The following JARID2 variants were observed in gnomAD, a reference collection of about 807,000 sequenced individuals.
JARID2 encodes protein Jumonji.
In JARID2, 21 loss-of-function variants were observed where a neutral mutation model predicts 125.6. The observed-to-expected ratio is 0.17, with a 90% CI of 0.12 to 0.24. The LOEUF is 0.24. Ranked by LOEUF, JARID2 falls within the 10% of genes least tolerant of loss-of-function variation. The pLI is 1.00. For missense variants in JARID2, 1,303 were observed against 1,639.6 expected, an observed-to-expected ratio of 0.79 and a Z score of 3.55; for synonymous variants, 736 against 661.6, an observed-to-expected ratio of 1.11 and a Z score of -1.73.
At chr6:15,439,837 C>G (rs1421903404) in intron 3 of JARID2, among the ~76,000 whole-genome samples, 1 of 152,206 alleles carries the variant, frequency 6.6e-6, no homozygotes, top group East Asian at 1.9e-4. Context: ...AGTCTCACCC[C>G]TGGGAGTTTC....
intron 5 of JARID2, among the ~76,000 whole-genome samples, chr6:15,470,824 C>T (rs899002862): frequency 2.0e-5 from 3 of 152,132 alleles, no homozygotes; most frequent in Non-Finnish European, 2.9e-5. Flanking sequence ...CAGAGCGATG[C>T]GGAATAATGC....
Position 15,517,263 on chromosome 6 carries a change from G to A in JARID2, c.3553G>A (p.Asp1185Asn), listed in dbSNP as rs775113990. Residue 1185 changes from aspartate (D) to asparagine (N), a missense_variant, in exon 17 of 18, where the codon GAT (aspartate) becomes AAT (asparagine). Asp to Asn is a conservative substitution (Grantham distance 23). Around this residue, in one of 11 missense-constraint regions of JARID2, gnomAD observed 190 missense variants for 341.4 expected, o/e 0.56. Transcript: ENST00000341776. ...CRGLKLMYRYDEEQIISLVNQ... is the reference protein window; with the variant it reads ...CRGLKLMYRYNEEQIISLVNQ... ...AGGGCTGAAGTTGATGTACCGCTAC[G>A]ATGAGGTCAGTCCCTGCCCGCGGGG... The A allele has an allele frequency of 5.6e-6, 9 of 1,611,440 alleles. No individual in the cohort carries two copies. The highest frequency in any genetic ancestry group is 1.7e-5 in the Admixed American group (1 of 60,006).
chr6:15,436,376 T>C (rs1389853270), intron 3 of JARID2, among the ~76,000 whole-genome samples: 1 of 152,236 alleles, frequency 6.6e-6, no homozygotes, highest in African/African-American at 2.4e-5. Flanking sequence ...CCAGTGCTCT[T>C]CTGCGGCCGT....
At chr6:15,488,859 C>G (rs1770009806) in intron 6 of JARID2, among the ~76,000 whole-genome samples, 1 of 152,168 alleles carries the variant, frequency 6.6e-6, no homozygotes, top group Admixed American at 6.5e-5. Flanking sequence ...CCTCAGTTTT[C>G]CCAGAGACAA....
chr6:15,337,469 C>T (rs1209191877), intron 1 of JARID2, among the ~76,000 whole-genome samples: 3 of 152,136 alleles, frequency 2.0e-5, no homozygotes, highest in Non-Finnish European at 4.4e-5. Context: ...AAGGTCTGAG[C>T]CCAACAGCCA....
At chr6:15,282,132 C>G (rs1466758949) in intron 1 of JARID2, among the ~76,000 whole-genome samples, 1 of 152,066 alleles carries the variant, frequency 6.6e-6, no homozygotes, top group Non-Finnish European at 1.5e-5. Context: ...AAGTAGAGAC[C>G]AGGTTTCACC....
chr6:15,444,407 G>A (rs988206891), intron 3 of JARID2, among the ~76,000 whole-genome samples: 1 of 152,162 alleles, frequency 6.6e-6, no homozygotes, highest in Non-Finnish European at 1.5e-5. Context: ...ACCATTCTGT[G>A]TGGTTTGCTC....
At chr6:15,433,028 A>G (rs1206470871) in intron 3 of JARID2, among the ~76,000 whole-genome samples, 1 of 152,166 alleles carries the variant, frequency 6.6e-6, no homozygotes, top group Non-Finnish European at 1.5e-5. Flanking sequence ...GAGAATTTGC[A>G]TTTCTAGTAT....
At chr6:15,435,823 A>AT (rs34822462) in intron 3 of JARID2, among the ~76,000 whole-genome samples, 2,322 of 146,936 alleles carry the variant, frequency 0.016, 51 homozygotes, top group African/African-American at 0.051. Context: ...TGAATTCCAA[A>AT]TTTTTTTTTT....
intron 5 of JARID2, among the ~76,000 whole-genome samples, chr6:15,470,443 C>T (rs1369081488): frequency 6.6e-6 from 1 of 152,184 alleles, no homozygotes; most frequent in East Asian, 1.9e-4. Context: ...TCTGGATTCA[C>T]CGGGAAATAG....
chr6:15,476,478 C>T (rs537501597), intron 5 of JARID2, among the ~76,000 whole-genome samples: 68 of 152,326 alleles, frequency 4.5e-4, no homozygotes, highest in African/African-American at 1.2e-3. Context: ...CAGTAGTTTC[C>T]TGCAAGAGCC....
At chr6:15,331,185 T>G (rs1762694877) in intron 1 of JARID2, among the ~76,000 whole-genome samples, 5 of 151,628 alleles carry the variant, frequency 3.3e-5, no homozygotes, top group Admixed American at 3.3e-4. Context: ...AATACAAAAA[T>G]TAGCTGGGCA....
intron 1 of JARID2, among the ~76,000 whole-genome samples, chr6:15,275,934 A>G (rs990072030): frequency 1.3e-5 from 2 of 152,052 alleles, no homozygotes; most frequent in African/African-American, 4.8e-5. Context: ...CAGAAGGGGG[A>G]AAAAAGTTAA....
At chr6:15,343,967 T>G (rs1437929040) in intron 1 of JARID2, among the ~76,000 whole-genome samples, 4 of 152,184 alleles carry the variant, frequency 2.6e-5, no homozygotes, top group Admixed American at 2.6e-4. Context: ...AGCTCGGTGC[T>G]GCTGATCCTG....
intron 6 of JARID2, among the ~76,000 whole-genome samples, chr6:15,489,796 AGCGCCATGTGCTCAT>A (rs1392208081): frequency 2.6e-5 from 4 of 152,164 alleles, no homozygotes; most frequent in Non-Finnish European, 2.9e-5. Context: ...CCTTGCAGGG[AGCGCCATGTGCTCAT>A]GCAGGGCATC....
intron 1 of JARID2, among the ~76,000 whole-genome samples, chr6:15,250,508 G>C (rs1759403929): frequency 6.6e-6 from 1 of 152,128 alleles, no homozygotes; most frequent in South Asian, 2.1e-4. Flanking sequence ...CTTAGGTGCA[G>C]GGCAGTGGCA....
chr6:15,361,897 T>C (rs568489585), intron 1 of JARID2, among the ~76,000 whole-genome samples: 263 of 148,848 alleles, frequency 1.8e-3, no homozygotes, highest in Non-Finnish European at 2.2e-3. Context: ...GCCCCCTTTT[T>C]TTTTTTTTTT....
At chr6:15,393,637 A>G (rs1561833771) in intron 2 of JARID2, among the ~76,000 whole-genome samples, 1 of 152,234 alleles carries the variant, frequency 6.6e-6, no homozygotes, top group Non-Finnish European at 1.5e-5. Context: ...TCGTTGCAGC[A>G]CTTGGGTTAT....
At chr6:15,399,937 C>G (rs946426996) in intron 2 of JARID2, among the ~76,000 whole-genome samples, 1 of 152,092 alleles carries the variant, frequency 6.6e-6, no homozygotes, top group Non-Finnish European at 1.5e-5. Flanking sequence ...GGTTGAAGTT[C>G]AAAGAAAGGC....
Sources: gnomAD v4.1 joint callset for allele counts (sites outside exome capture counted in the v4.1 genomes callset) on GRCh38, gnomAD v4.1.1 for gene constraint, gnomAD v4.1.1 regional missense constraint, MANE v1.5 for transcripts, NCBI Gene and HGNC (gene_info 2026-07-23, HGNC 2026-07-21) for gene names.